Variants in DDC observed in about 807,000 individuals in gnomAD.
DDC encodes dopa decarboxylase, also known as aromatic-L-amino-acid decarboxylase.
In DDC, 43 loss-of-function variants were observed where a neutral mutation model predicts 60.0. The observed-to-expected ratio is 0.72, with a 90% CI of 0.56 to 0.92. The LOEUF (loss-of-function observed/expected upper bound fraction) is 0.92, where lower values mean the gene tolerates loss of function less well. Ranked by LOEUF, DDC falls within the 40% of genes least tolerant of loss-of-function variation. The pLI, the probability that DDC is intolerant of heterozygous loss-of-function variation, is 0.00. For missense variants in DDC, 573 were observed against 620.2 expected (o/e 0.92, Z 0.81); for synonymous variants, 232 against 234.6 (o/e 0.99, Z 0.10).
chr7:50,512,204 C>A (rs2043598927), intron 6 of DDC, among the ~76,000 whole-genome samples: 1 of 152,012 alleles, frequency 6.6e-6, no homozygotes, highest in South Asian at 2.1e-4. Flanking sequence ...GAAAAATATA[C>A]CATGCTAACA....
At position 50,466,590 on chromosome 7, in the gene DDC, G is replaced by T. The variant is rs965299242; in HGVS notation, c.1242+624C>A. On this transcript the variant is annotated intron_variant, in intron 13 of 14. Transcript: ENST00000444124. ...CAAGGGAGATTACCAAGGGGCATGT[G>T]TGCAGTGCATCTTAGAGCCTTTTTG... Among the ~76,000 whole-genome samples, 10 of 151,628 alleles carry T rather than the reference G, an allele frequency of 6.6e-5. No individual in the cohort carries two copies. In the East Asian group the frequency reaches 1.9e-3, roughly 29 times the overall value.
At chr7:50,540,119 G>C in intron 2 of DDC, 91 bp from the exon 3 acceptor site, 1 of 877,328 alleles carries the variant, frequency 1.1e-6, no homozygotes, top group South Asian at 1.4e-5. Flanking sequence ...GCTCCCAGCT[G>C]CCAGATGCAG....
chr7:50,474,109 G>A (rs2042588818), intron 11 of DDC, among the ~76,000 whole-genome samples: 1 of 152,256 alleles, frequency 6.6e-6, no homozygotes. Context: ...AGGATGCTTT[G>A]AAAGTAGGGC....
At chr7:50,487,272 G>T (rs2042906033) in intron 9 of DDC, among the ~76,000 whole-genome samples, 1 of 151,992 alleles carries the variant, frequency 6.6e-6, no homozygotes, top group Admixed American at 6.6e-5. Flanking sequence ...AGATTAATTT[G>T]GTAAAGTTAG....
chr7:50,491,262 G>C (rs1308466391), intron 9 of DDC, among the ~76,000 whole-genome samples: 1 of 152,188 alleles, frequency 6.6e-6, no homozygotes, highest in East Asian at 1.9e-4. Context: ...GGACTTCAGA[G>C]TAATACGGTT....
At chr7:50,503,070 G>T (rs1381050824) in intron 7 of DDC, among the ~76,000 whole-genome samples, 1 of 152,236 alleles carries the variant, frequency 6.6e-6, no homozygotes, top group Non-Finnish European at 1.5e-5. Context: ...ATGGACTATG[G>T]GTGACTCTTG....
At chr7:50,461,383 T>A (rs1184869248) in intron 14 of DDC, among the ~76,000 whole-genome samples, 1 of 152,014 alleles carries the variant, frequency 6.6e-6, no homozygotes, top group African/African-American at 2.4e-5. Flanking sequence ...AGATTTTTAT[T>A]GTTCTAATCT....
At chr7:50,504,124 C>G (rs914775597) in intron 6 of DDC, 65 bp from the exon 7 acceptor site, 74 of 1,132,330 alleles carry the variant, frequency 6.5e-5, no homozygotes, top group Middle Eastern at 4.3e-4. Context: ...AACCTCCACA[C>G]AAGCAACTGC....
intron 13 of DDC, among the ~76,000 whole-genome samples, chr7:50,466,530 A>AACAG (rs11575528): frequency 0.052 from 7,909 of 151,848 alleles, 490 homozygotes; most frequent in African/African-American, 0.15. Flanking sequence ...TTATAAACCA[A>AACAG]ACAGAGCATT....
At chr7:50,552,731 C>T (rs111996721) in intron 1 of DDC, among the ~76,000 whole-genome samples, 8 of 152,298 alleles carry the variant, frequency 5.3e-5, no homozygotes, top group African/African-American at 1.9e-4. Context: ...TAGGTATTTG[C>T]TGAATGATGA....
At chr7:50,484,960 T>C (rs569606124) in intron 9 of DDC, among the ~76,000 whole-genome samples, 1 of 152,296 alleles carries the variant, frequency 6.6e-6, no homozygotes, top group African/African-American at 2.4e-5. Flanking sequence ...AGAATCCAAA[T>C]AGATAAATAG....
chr7:50,475,965 C>T (rs559011086), intron 11 of DDC, among the ~76,000 whole-genome samples: 1 of 152,252 alleles, frequency 6.6e-6, no homozygotes, highest in African/African-American at 2.4e-5. Flanking sequence ...GCTGGGATTA[C>T]AGGAGTGAGC....
chr7:50,543,601 T>G, intron 2 of DDC: 1 of 462,852 alleles, frequency 2.2e-6, no homozygotes, highest in Non-Finnish European at 4.0e-6. Flanking sequence ...CGAGTGTCTC[T>G]GGGCAGGGAC....
At position 50,479,839 on chromosome 7, in the gene DDC, C is replaced by T. The variant is rs1463739427; in HGVS notation, c.969G>A (p.Thr323=). 16 of 1,613,616 alleles carry T rather than the reference C, an allele frequency of 9.9e-6. No individual in the cohort carries two copies. Among genetic ancestry groups the T allele is most frequent in the Middle Eastern group, 1.7e-4 (1 of 5,812 alleles). ...AAGTGGGGTCCAGTCTAAAGGCTCC[C>T]GTTAAGTCTGTTCTCTTTTTCACCC... The part of the protein sequence containing the change: ...AMWVKKRTDL[T]GAFRLDPTYL... Residue 323 remains threonine (T), a synonymous_variant, in exon 10 of 15, where the codon ACG becomes ACA. Coordinates refer to ENST00000444124, the MANE Select transcript of DDC (RefSeq NM_001082971.2).
At chr7:50,561,996 C>G (rs1346012717) in intron 1 of DDC, among the ~76,000 whole-genome samples, 2 of 152,128 alleles carry the variant, frequency 1.3e-5, no homozygotes, top group African/African-American at 4.8e-5. Context: ...CACACACATA[C>G]CTAAGTGCAT....
chr7:50,564,381 C>T (rs1023209223), intron 1 of DDC: 1 of 152,218 alleles, frequency 6.6e-6, no homozygotes, highest in African/African-American at 2.4e-5. Flanking sequence ...ATTCACATTT[C>T]GTCTCTGCCA....
At chr7:50,557,866 C>G (rs192878021) in intron 1 of DDC, among the ~76,000 whole-genome samples, 53 of 152,332 alleles carry the variant, frequency 3.5e-4, no homozygotes, top group Admixed American at 1.0e-3. Context: ...TGTCACCCAC[C>G]ATCAGGCATT....
At chr7:50,471,541 G>T (rs923788784) in intron 11 of DDC, among the ~76,000 whole-genome samples, 1 of 152,162 alleles carries the variant, frequency 6.6e-6, no homozygotes, top group African/African-American at 2.4e-5. Flanking sequence ...GGCATTCAGT[G>T]TGGTTCCCCC....
chr7:50,549,853 C>T (rs1419164232), intron 1 of DDC, among the ~76,000 whole-genome samples: 1 of 152,168 alleles, frequency 6.6e-6, no homozygotes, highest in Admixed American at 6.5e-5. Flanking sequence ...GACTGAATTG[C>T]TGCAATCTCA....
Sources: gnomAD v4.1 joint callset for allele counts (sites outside exome capture counted in the v4.1 genomes callset) on GRCh38, gnomAD v4.1.1 for gene constraint, MANE v1.5 for transcripts, NCBI Gene and HGNC (gene_info 2026-07-23, HGNC 2026-07-21) for gene names.